UBXN2B: variants seen among roughly 807,000 people sequenced by gnomAD.
UBXN2B encodes UBX domain protein 2B, also known as UBX domain-containing protein 2B.
A neutral mutation model predicts 37.5 loss-of-function variants in UBXN2B; 19 were observed. That is an observed-to-expected ratio of 0.51 (90% CI 0.35 to 0.74). UBXN2B has a LOEUF of 0.74. UBXN2B is among the 30% of genes least tolerant of loss of function. UBXN2B has a pLI of 0.01. For synonymous variants in UBXN2B, 145 were observed against 143.8 expected, an observed-to-expected ratio of 1.01 and a Z score of -0.06; for missense variants, 370 against 393.2, an observed-to-expected ratio of 0.94 and a Z score of 0.50.
chr8:58,443,638 CA>C (rs754470490), intron 6 of UBXN2B, among the ~76,000 whole-genome samples: 4,054 of 59,556 alleles, frequency 0.068, 287 homozygotes, highest in East Asian at 0.29. Flanking sequence ...ACTAAAAATC[CA>C]AAAAAAAAAA....
chr8:58,426,512 G>A, intron 2 of UBXN2B: 1 of 728,172 alleles, frequency 1.4e-6, no homozygotes, highest in Non-Finnish European at 2.6e-6. Flanking sequence ...CCGGCCCAGT[G>A]TTCTGAATCT....
In UBXN2B at chr8:58,424,536, G is replaced by A. The variant is rs932525547; in HGVS notation, c.189-5983G>A. On this transcript the variant is annotated intron_variant, in intron 2 of 7. Transcript: ENST00000399598. ...TCTTGCGAAAGTTTGATCTTTTTAG[G>A]GAGAGAGTGAAGTCCACATCTATTT... 4.8e-6 allele frequency: 4 copies of A among 834,942 alleles called. No homozygotes were observed. The East Asian group carries it at 7.6e-5, about 16-fold the overall frequency. 51.7% of individuals were successfully genotyped at this position (834,942 alleles called of 1,614,324 possible). A position where few individuals can be genotyped will look rare whatever the true frequency, so the allele number is the denominator to read the frequency against.
chr8:58,425,196 G>A (rs914599179), intron 2 of UBXN2B: 25 of 930,256 alleles, frequency 2.7e-5, no homozygotes, highest in Admixed American at 1.0e-4. Context: ...AGTTGTGAGC[G>A]GTGCTTTCTC....
At chr8:58,420,941 C>T (rs1400402546) in intron 2 of UBXN2B, among the ~76,000 whole-genome samples, 1 of 152,198 alleles carries the variant, frequency 6.6e-6, no homozygotes, top group African/African-American at 2.4e-5. Flanking sequence ...AGGCCATGTG[C>T]TTGCTATATG....
rs200866000 is a variant in UBXN2B at position 58,415,095 on chromosome 8, T to C, written c.85-1755T>C. Among the ~76,000 whole-genome samples the C allele has an allele frequency of 2.1e-4, 32 of 152,174 alleles. No individual in the cohort carries two copies. In the East Asian group the frequency reaches 6.0e-3, roughly 28 times the overall value. Reference sequence around the variant, plus strand: ...GAAACAATTTGAGAAACTTAAAATCTAGTTGGGGAAATAAAACAGCAAAAG... The same window carrying C: ...GAAACAATTTGAGAAACTTAAAATCCAGTTGGGGAAATAAAACAGCAAAAG... On this transcript the variant is annotated intron_variant, in intron 1 of 7. Coordinates refer to ENST00000399598, the MANE Select transcript of UBXN2B (RefSeq NM_001077619.2).
intron 6 of UBXN2B, among the ~76,000 whole-genome samples, chr8:58,443,100 A>T (rs1585619599): frequency 1.3e-5 from 2 of 152,344 alleles, no homozygotes; most frequent in Admixed American, 1.3e-4. Flanking sequence ...GTGCCTCGCC[A>T]GTCTCACAGG....
intron 2 of UBXN2B, among the ~76,000 whole-genome samples, chr8:58,427,018 T>C (rs1808117372): frequency 6.6e-6 from 1 of 152,226 alleles, no homozygotes; most frequent in Admixed American, 6.5e-5. Flanking sequence ...ACTAAACACA[T>C]AGTCATCCCT....
At chr8:58,434,169 CA>C (rs774669608) in intron 4 of UBXN2B, among the ~76,000 whole-genome samples, 1 of 152,104 alleles carries the variant, frequency 6.6e-6, no homozygotes, top group Non-Finnish European at 1.5e-5. Flanking sequence ...CAGCCATTGT[CA>C]GTTTGTTAAG....
chr8:58,435,272 A>G (rs1184988109), intron 5 of UBXN2B, among the ~76,000 whole-genome samples: 1 of 152,224 alleles, frequency 6.6e-6, no homozygotes, highest in Non-Finnish European at 1.5e-5. Flanking sequence ...AACATTTCCA[A>G]ATGTTGAAAT....
At chr8:58,424,608 G>C in intron 2 of UBXN2B, 1 of 1,155,306 alleles carries the variant, frequency 8.7e-7, no homozygotes. Flanking sequence ...CTCTTCTGCT[G>C]TTGCATCAGG....
chr8:58,438,046 G>T (rs1808458622), intron 5 of UBXN2B, among the ~76,000 whole-genome samples: 1 of 151,014 alleles, frequency 6.6e-6, no homozygotes, highest in South Asian at 2.1e-4. Context: ...TGCAGCCTCT[G>T]GACACTGTTC....
At chr8:58,445,846 C>T (rs1808653168) in intron 6 of UBXN2B, 61 bp from the exon 7 acceptor site, 1 of 1,405,664 alleles carries the variant, frequency 7.1e-7, no homozygotes, top group Non-Finnish European at 9.5e-7. Context: ...GTGTTTATCG[C>T]TGTCTTCAGT....
intron 2 of UBXN2B, chr8:58,426,000 C>G (rs750706101): frequency 1.0e-5 from 15 of 1,446,604 alleles, no homozygotes; most frequent in Non-Finnish European, 1.4e-5. Flanking sequence ...AATAATTTCT[C>G]TGCTTCTTTC....
intron 1 of UBXN2B, among the ~76,000 whole-genome samples, 199 bp downstream of exon 1, chr8:58,411,668 G>A (rs891126117): frequency 8.5e-5 from 13 of 152,240 alleles, no homozygotes; most frequent in African/African-American, 3.1e-4. Flanking sequence ...CAAGCCTCCA[G>A]CGCTGGTGCT....
At position 58,447,653 on chromosome 8, in the gene UBXN2B, T is replaced by C; in HGVS notation, c.*102T>C. 8.4e-7 allele frequency: 1 copy of C among 1,185,114 alleles called. No homozygotes were observed. Among genetic ancestry groups the C allele is most frequent in the Non-Finnish European group, 1.1e-6 (1 of 904,508 alleles). The allele number at this position is 1,185,114 out of a possible 1,614,324, so 73.4% of individuals were successfully genotyped here. A position where few individuals can be genotyped will look rare whatever the true frequency, so the allele number is the denominator to read the frequency against. ...AAACAGCCAAATTATTTTTATTATT[T>C]TTACAGATAAATTTTGGTTTTATTG... On this transcript the variant is annotated 3_prime_UTR_variant, in exon 8 of 8. Transcript: ENST00000399598.
At chr8:58,443,386 C>T (rs1051532851) in intron 6 of UBXN2B, among the ~76,000 whole-genome samples, 3 of 152,058 alleles carry the variant, frequency 2.0e-5, no homozygotes, top group Non-Finnish European at 2.9e-5. Flanking sequence ...TCTTTTCTTT[C>T]TTAAAAAATT....
chr8:58,434,843 G>C (rs144538671), intron 5 of UBXN2B: 1 of 1,535,480 alleles, frequency 6.5e-7, no homozygotes, highest in Non-Finnish European at 8.7e-7. Flanking sequence ...CCACTGTCCT[G>C]CTTACTGTTG....
chr8:58,414,232 A>G (rs1373446050), intron 1 of UBXN2B, among the ~76,000 whole-genome samples: 2 of 152,204 alleles, frequency 1.3e-5, no homozygotes, highest in Non-Finnish European at 2.9e-5. Flanking sequence ...GTGACCTGGA[A>G]GGCTTGTCAG....
chr8:58,446,124 T>C, intron 7 of UBXN2B, 56 bp downstream of exon 7: 1 of 1,503,164 alleles, frequency 6.7e-7, no homozygotes, highest in East Asian at 2.4e-5. Flanking sequence ...GGATTGCTTA[T>C]CTAAGTAGAA....
Sources: gnomAD v4.1 joint callset for allele counts (sites outside exome capture counted in the v4.1 genomes callset) on GRCh38, gnomAD v4.1.1 for gene constraint, MANE v1.5 for transcripts, NCBI Gene and HGNC (gene_info 2026-07-23, HGNC 2026-07-21) for gene names.